The following LMBRD1 variants were observed in gnomAD, a reference collection of about 807,000 sequenced individuals.
LMBRD1 encodes the protein lysosomal cobalamin transport escort protein LMBD1.
In LMBRD1, 64 loss-of-function variants were observed where a neutral mutation model predicts 74.8. That is an observed-to-expected ratio of 0.86 (90% confidence interval 0.70 to 1.05). The LOEUF is 1.05. Ranked by LOEUF, LMBRD1 falls within the 50% of genes least tolerant of loss-of-function variation. LMBRD1 has a pLI of 0.00. For missense variants in LMBRD1, 652 were observed against 645.9 expected, an observed-to-expected ratio of 1.01 and a Z score of -0.10; for synonymous variants, 204 against 216.3, an observed-to-expected ratio of 0.94 and a Z score of 0.50.
chr6:69,764,857 C>T (rs1266074975), intron 3 of LMBRD1, among the ~76,000 whole-genome samples: 1 of 151,518 alleles, frequency 6.6e-6, no homozygotes, highest in East Asian at 1.9e-4. Flanking sequence ...ATGAATCATG[C>T]TTTTGGTGCC....
At chr6:69,729,643 A>C (rs1283473035) in intron 7 of LMBRD1, among the ~76,000 whole-genome samples, 1 of 152,110 alleles carries the variant, frequency 6.6e-6, no homozygotes, top group Non-Finnish European at 1.5e-5. Context: ...GAAGAGCTGA[A>C]CTGAATTTCT....
intron 9 of LMBRD1, among the ~76,000 whole-genome samples, chr6:69,708,303 T>A (rs1012212450): frequency 3.9e-5 from 6 of 152,168 alleles, no homozygotes; most frequent in Non-Finnish European, 8.8e-5. Context: ...ACAAAACTAA[T>A]CTCCCTTCAT....
intron 14 of LMBRD1, among the ~76,000 whole-genome samples, chr6:69,676,956 G>A (rs934971269): frequency 6.6e-6 from 1 of 152,182 alleles, no homozygotes; most frequent in East Asian, 1.9e-4. Flanking sequence ...AGTTGCACTT[G>A]TAGGGGCAGA....
rs572041667 is a variant in LMBRD1, at chr6:69,733,287, T to C, written c.636+4655A>G. On this transcript the variant is annotated intron_variant, in intron 7 of 15. Transcript: ENST00000649934. The stretch of plus-strand genomic sequence containing the variant: ...TTAAACCTATTCTAGTCCTCATGCA[T>C]ATTTTCTATACCCTCTTTCAAGGTG... Among the ~76,000 whole-genome samples the C allele has an allele frequency of 1.9e-4, 29 of 152,304 alleles. No individual in the cohort carries two copies. In the Middle Eastern group the frequency reaches 0.01, roughly 54 times the overall value.
intron 3 of LMBRD1, among the ~76,000 whole-genome samples, chr6:69,762,508 A>T (rs1765393513): frequency 6.6e-6 from 1 of 152,088 alleles, no homozygotes; most frequent in African/African-American, 2.4e-5. Context: ...ACTACACCAT[A>T]TTACATTCCC....
rs1765543569 is a variant in LMBRD1, at chr6:69,676,287, A to C, written c.1510-16T>G. On this transcript the variant is annotated splice_polypyrimidine_tract_variant and intron_variant, in intron 15 of 15. Coordinates refer to ENST00000649934, the MANE Select transcript of LMBRD1 (RefSeq NM_018368.4). ...TCAAAAATACCTGTAAATTTAAATAAGCCATGTGTTATTTTTCAAATTTAA... is the reference window on the plus strand; with the variant it reads ...TCAAAAATACCTGTAAATTTAAATACGCCATGTGTTATTTTTCAAATTTAA... 6.2e-7 allele frequency: 1 copy of C among 1,610,106 alleles called. No individual in the cohort carries two copies. Among genetic ancestry groups the C allele is most frequent in the African/African-American group, 1.3e-5 (1 of 74,908 alleles).
In LMBRD1 at chr6:69,674,205, C is replaced by T. The variant is rs1047277719; in HGVS notation, c.*1953G>A. Among the ~76,000 whole-genome samples, 4 of 152,136 alleles carry T rather than the reference C, an allele frequency of 2.6e-5. No homozygotes were observed. The highest frequency in any genetic ancestry group is 4.1e-4 in the South Asian group (2 of 4,828). On this transcript the variant is annotated 3_prime_UTR_variant, in exon 16 of 16. Coordinates refer to ENST00000649934, the MANE Select transcript of LMBRD1 (RefSeq NM_018368.4). ...TCTCTCCCCCTTCTTATAAGAACAC[C>T]AGTCATATTGGATTTGGGCTTCACG...
intron 3 of LMBRD1, among the ~76,000 whole-genome samples, chr6:69,765,666 C>A (rs112270517): frequency 9.5e-4 from 145 of 152,168 alleles, no homozygotes; most frequent in African/African-American, 3.4e-3. Context: ...GTCTGTGTGA[C>A]TTTAATAGAG....
intron 5 of LMBRD1, 69 bp downstream of exon 5, chr6:69,749,271 TC>T: frequency 1.6e-6 from 2 of 1,220,166 alleles, no homozygotes; most frequent in South Asian, 2.7e-5. Context: ...TTCTGAATGA[TC>T]CTTTTATTTT....
rs111747887 is a variant in LMBRD1 at position 69,725,339 on chromosome 6, TCACACACACACA to T, written c.637-6270_637-6259del. On this transcript the variant is annotated intron_variant, in intron 7 of 15. Coordinates refer to ENST00000649934, the MANE Select transcript of LMBRD1 (RefSeq NM_018368.4). ...CCTATCGAAATAGCAATGACAATCT[TCACACACACACA>T]CACACACACACACACACACACACAC... is the stretch of plus-strand genomic sequence containing the variant. Among the ~76,000 whole-genome samples, 191 of 148,192 alleles carry T rather than the reference TCACACACACACA, an allele frequency of 1.3e-3. 1 individual carries two copies. The highest frequency in any genetic ancestry group is 2.0e-3 in the East Asian group (10 of 5,006).
chr6:69,696,095 C>T (rs1765991239), intron 14 of LMBRD1, among the ~76,000 whole-genome samples: 1 of 152,166 alleles, frequency 6.6e-6, no homozygotes, highest in Non-Finnish European at 1.5e-5. Context: ...CCGCCTGCCT[C>T]GGCCTCCCAG....
chr6:69,736,719 T>C (rs1188478072), intron 7 of LMBRD1, among the ~76,000 whole-genome samples: 1 of 152,174 alleles, frequency 6.6e-6, no homozygotes, highest in Admixed American at 6.5e-5. Flanking sequence ...CATTTTCTAT[T>C]TCCATTTAAT....
At chr6:69,760,743 C>G (rs1765356671) in intron 3 of LMBRD1, among the ~76,000 whole-genome samples, 1 of 152,134 alleles carries the variant, frequency 6.6e-6, no homozygotes, top group Admixed American at 6.5e-5. Flanking sequence ...GATTACGTGA[C>G]AAAAAGACTG....
rs1003642879 is a variant in LMBRD1, at chr6:69,674,129, T to C, written c.*2029A>G. The stretch of plus-strand genomic sequence containing the variant: ...CCTGTTGGCTTGCAGACCACTGCCT[T>C]CTCATTGCATCCTCACATGGCCTCT... On this transcript the variant is annotated 3_prime_UTR_variant, in exon 16 of 16. Coordinates refer to ENST00000649934, the MANE Select transcript of LMBRD1 (RefSeq NM_018368.4). Among the ~76,000 whole-genome samples, 7 of 152,308 alleles carry C rather than the reference T, an allele frequency of 4.6e-5. No individual in the cohort carries two copies. Among genetic ancestry groups the C allele is most frequent in the African/African-American group, 1.4e-4 (6 of 41,576 alleles).
chr6:69,741,568 C>T (rs1562107739), intron 6 of LMBRD1, among the ~76,000 whole-genome samples: 1 of 152,012 alleles, frequency 6.6e-6, no homozygotes, highest in African/African-American at 2.4e-5. Flanking sequence ...GTATTTTTAG[C>T]AGAGACGGGG....
At chr6:69,727,199 T>C (rs1263487991) in intron 7 of LMBRD1, among the ~76,000 whole-genome samples, 1 of 152,058 alleles carries the variant, frequency 6.6e-6, no homozygotes, top group Admixed American at 6.6e-5. Flanking sequence ...TAAAAGAATA[T>C]AATTGGACTG....
At position 69,689,896 on chromosome 6, in the gene LMBRD1, G is replaced by A. The variant is rs1281834388; in HGVS notation, c.1417+7667C>T. ...CTGAAAAATAACGAGAGAGAAAGCA[G>A]TAAATTTACAATAGTTCCTCAATAT... On this transcript the variant is annotated intron_variant, in intron 14 of 15. Coordinates refer to ENST00000649934, the MANE Select transcript of LMBRD1 (RefSeq NM_018368.4). Among the ~76,000 whole-genome samples the A allele has an allele frequency of 3.3e-5, 5 of 152,078 alleles. No individual in the cohort carries two copies. The East Asian group carries it at 7.7e-4, about 23-fold the overall frequency.
At chr6:69,718,724 C>T (rs1226758618) in intron 8 of LMBRD1, among the ~76,000 whole-genome samples, 1 of 152,170 alleles carries the variant, frequency 6.6e-6, no homozygotes, top group Non-Finnish European at 1.5e-5. Flanking sequence ...GGGTAACTGC[C>T]CCCATGACTC....
At position 69,796,833 on chromosome 6, in the gene LMBRD1, T is replaced by A. The variant is rs753092782; in HGVS notation, c.49A>T (p.Ile17Leu). 1 of 1,611,700 alleles carries A rather than the reference T, an allele frequency of 6.2e-7. No homozygotes were observed. The highest frequency in any genetic ancestry group is 1.3e-5 in the African/African-American group (1 of 74,712). ...CCTACCAGTAGTAAGAGGCCGAATA[T>A]GCACCAGCCGATCACCAGCTCCGCC... Reference protein sequence around the residue: ...ASAELVIGWCIFGLLLLAILA... With the variant: ...ASAELVIGWCLFGLLLLAILA... The change falls in exon 1 of 16, where the codon ATA becomes TTA. Residue 17 changes from isoleucine (I) to leucine (L), a missense_variant. Around this residue, in one of 3 missense-constraint regions of LMBRD1, gnomAD observed 598 missense variants for 581.8 expected, o/e 1.03. Transcript: ENST00000649934.
Sources: allele counts gnomAD v4.1 joint callset (sites outside exome capture counted in the v4.1 genomes callset), GRCh38; gene constraint gnomAD v4.1.1; regional missense constraint gnomAD v4.1.1; transcripts MANE v1.5; gene names NCBI Gene and HGNC (gene_info 2026-07-23, HGNC 2026-07-21).